SNX25: variants seen among roughly 807,000 people sequenced by gnomAD.
The protein encoded by SNX25 is sorting nexin-25.
SNX25 carries 62 observed loss-of-function variants against 113.7 expected under a neutral mutation model. The ratio of observed to expected loss-of-function variants is 0.55; its 90% CI spans 0.44 to 0.67. SNX25 has a LOEUF of 0.67. Ranked by LOEUF, SNX25 falls within the 30% of genes least tolerant of loss-of-function variation. The probability of loss-of-function intolerance (pLI) is 0.00; values close to 1 mark genes in which losing one functional copy is unlikely to be tolerated. For synonymous variants in SNX25, 421 were observed against 436.2 expected (o/e 0.97, Z 0.43); for missense variants, 1,014 against 1,161.0 (o/e 0.87, Z 1.84).
At chr4:185,368,882 C>A (rs2095403263), downstream of SNX25, among the ~76,000 whole-genome samples, 1 of 151,404 alleles carries the variant, frequency 6.6e-6, no homozygotes, top group South Asian at 2.1e-4. Context: ...CAGCCTCCTC[C>A]TTGCAGGTTC....
intron 9 of SNX25, among the ~76,000 whole-genome samples, chr4:185,325,429 A>G (rs887725943): frequency 6.7e-6 from 1 of 149,178 alleles, no homozygotes; most frequent in African/African-American, 2.5e-5. Context: ...GCTACTTGGG[A>G]GGCTGAGGCA....
At chr4:185,356,161 G>GTC (rs2095337993) in intron 15 of SNX25, among the ~76,000 whole-genome samples, 1 of 151,994 alleles carries the variant, frequency 6.6e-6, no homozygotes, top group Non-Finnish European at 1.5e-5. Flanking sequence ...GTGTGTGTGT[G>GTC]TATCGGGGGG....
At chr4:185,270,818 G>A (rs544666833) in intron 5 of SNX25, among the ~76,000 whole-genome samples, 1 of 152,272 alleles carries the variant, frequency 6.6e-6, no homozygotes, top group South Asian at 2.1e-4. Context: ...CACTCATTAT[G>A]TTTCCAAGGT....
At chr4:185,239,095 T>C (rs886802338) in intron 1 of SNX25, among the ~76,000 whole-genome samples, 1 of 152,176 alleles carries the variant, frequency 6.6e-6, no homozygotes. Context: ...GCTGGTACTC[T>C]GGAGTAAACA....
At chr4:185,328,023 A>G (rs975466927) in intron 9 of SNX25, among the ~76,000 whole-genome samples, 1 of 152,226 alleles carries the variant, frequency 6.6e-6, no homozygotes, top group African/African-American at 2.4e-5. Flanking sequence ...GAAAGATCCC[A>G]TAGCTTTTAC....
At chr4:185,340,893 G>A (rs1289663278) in intron 11 of SNX25, among the ~76,000 whole-genome samples, 1 of 152,146 alleles carries the variant, frequency 6.6e-6, no homozygotes, top group East Asian at 1.9e-4. Context: ...CCAGAAAGGT[G>A]CGGAGGATGC....
chr4:185,308,146 C>T (rs1348574856), intron 6 of SNX25, among the ~76,000 whole-genome samples: 1 of 152,214 alleles, frequency 6.6e-6, no homozygotes, highest in Non-Finnish European at 1.5e-5. Context: ...AACATGCCTT[C>T]CCTCACCCCA....
chr4:185,319,098 TTA>T (rs796811035), intron 7 of SNX25, among the ~76,000 whole-genome samples: 1 of 125,810 alleles, frequency 7.9e-6, no homozygotes, highest in East Asian at 2.7e-4. Context: ...TTTATTTTTT[TTA>T]TTTTTTTTTT....
At chr4:185,250,326 G>C (rs1181656950) in intron 2 of SNX25, among the ~76,000 whole-genome samples, 1 of 152,168 alleles carries the variant, frequency 6.6e-6, no homozygotes. Flanking sequence ...TGGAGTATCT[G>C]CTCAGCTCTT....
At chr4:185,352,130 A>G (rs765278652) in intron 14 of SNX25, among the ~76,000 whole-genome samples, 5 of 152,184 alleles carry the variant, frequency 3.3e-5, no homozygotes, top group Non-Finnish European at 7.4e-5. Context: ...TGATCTGGCA[A>G]TGGTATGTGG....
At position 185,212,491 on chromosome 4, in the gene SNX25, G is replaced by GTTTTTGT. The variant is rs59085661; in HGVS notation, c.429+2241_429+2242insGTTTTTT. Reference sequence around the variant, plus strand: ...TGTGTGTGTGTGTGTGTGTGTGTGTGTTTTTTTTTTTTTTTGCTTTGAGAC... The same window carrying GTTTTTGT: ...TGTGTGTGTGTGTGTGTGTGTGTGTGTTTTTGTTTTTTTTTTTTTTTTGCTTTGAGAC... On this transcript the variant is annotated intron_variant, in intron 1 of 18. Transcript: ENST00000652585. 9.6e-3 allele frequency among the ~76,000 whole-genome samples: 1,009 copies of GTTTTTGT among 104,752 alleles called. 33 individuals are homozygous for GTTTTTGT. Among genetic ancestry groups the GTTTTTGT allele is most frequent in the Non-Finnish European group, 0.012 (653 of 53,172 alleles). The allele number at this position is 104,752 out of a possible 152,430, so 68.7% of individuals were successfully genotyped here.
chr4:185,242,658 G>A (rs1744245420), intron 1 of SNX25, among the ~76,000 whole-genome samples: 1 of 152,160 alleles, frequency 6.6e-6, no homozygotes, highest in Non-Finnish European at 1.5e-5. Flanking sequence ...CTGTCCCGAA[G>A]CTCACTGAGC....
At chr4:185,344,153 G>A (rs1024457391) in intron 12 of SNX25, among the ~76,000 whole-genome samples, 15 of 152,132 alleles carry the variant, frequency 9.9e-5, no homozygotes, top group Admixed American at 2.0e-4. Flanking sequence ...CCTGGGAGGC[G>A]GAGGTTGCAG....
chr4:185,230,495 C>T lies in SNX25; in HGVS notation c.430-16799C>T, dbSNP rs191048192. Among the ~76,000 whole-genome samples the T allele has an allele frequency of 3.1e-3, 464 of 151,526 alleles. 6 individuals carry two copies. Among genetic ancestry groups the T allele is most frequent in the African/African-American group, 0.011 (444 of 41,302 alleles). ...GCAACATCCGCCTCCCAGGTTCAAG[C>T]AATTCTCCTGCCTCAGCCTCCCGAG... On this transcript the variant is annotated intron_variant, in intron 1 of 18. Coordinates refer to ENST00000652585, the MANE Select transcript of SNX25 (RefSeq NM_001378034.2).
chr4:185,305,107 C>T (rs1305225877), intron 6 of SNX25, among the ~76,000 whole-genome samples: 1 of 152,040 alleles, frequency 6.6e-6, no homozygotes, highest in Non-Finnish European at 1.5e-5. Context: ...CAGTTTTGCT[C>T]CCCAGGGGAC....
intron 7 of SNX25, among the ~76,000 whole-genome samples, chr4:185,316,621 C>T (rs1202200857): frequency 6.6e-6 from 1 of 152,192 alleles, no homozygotes; most frequent in Admixed American, 6.5e-5. Context: ...GTTTGGAAAT[C>T]AGTGGCAATA....
chr4:185,279,863 G>A (rs989094954), intron 5 of SNX25, among the ~76,000 whole-genome samples: 2 of 152,124 alleles, frequency 1.3e-5, no homozygotes, highest in Admixed American at 6.6e-5. Context: ...CTCCAAGAAT[G>A]TTGCTTGTAG....
At chr4:185,233,081 C>T (rs1380106914) in intron 1 of SNX25, among the ~76,000 whole-genome samples, 2 of 152,002 alleles carry the variant, frequency 1.3e-5, no homozygotes, top group Admixed American at 1.3e-4. Flanking sequence ...GTCAGGAGTT[C>T]GAGACCTGCC....
chr4:185,280,616 A>G (rs1257067638), intron 5 of SNX25, among the ~76,000 whole-genome samples: 1 of 152,232 alleles, frequency 6.6e-6, no homozygotes, highest in Non-Finnish European at 1.5e-5. Flanking sequence ...TCAGGCTGGT[A>G]TAACAGACAC....
Sources: allele counts gnomAD v4.1 joint callset (sites outside exome capture counted in the v4.1 genomes callset), GRCh38; gene constraint gnomAD v4.1.1; transcripts MANE v1.5; gene names NCBI Gene and HGNC (gene_info 2026-07-23, HGNC 2026-07-21).